ERC2: variants seen among roughly 807,000 people sequenced by gnomAD.
ERC2 encodes ERC protein 2.
ERC2 carries 42 observed loss-of-function variants against 114.8 expected under a neutral mutation model. The observed-to-expected ratio is 0.37, with a 90% CI of 0.29 to 0.47. The LOEUF is 0.47. ERC2 is among the 20% of genes least tolerant of loss of function. The pLI, the probability that ERC2 is intolerant of heterozygous loss-of-function variation, is 0.99. For synonymous variants in ERC2, 454 were observed against 425.5 expected (o/e 1.07, Z -0.82); for missense variants, 939 against 1,150.7 (o/e 0.82, Z 2.66).
intron 17 of ERC2, among the ~76,000 whole-genome samples, chr3:55,528,393 A>C (rs2053463979): frequency 6.6e-6 from 1 of 152,228 alleles, no homozygotes; most frequent in Non-Finnish European, 1.5e-5. Flanking sequence ...GCAAAGGATG[A>C]AAACAAGTGA....
intron 10 of ERC2, 117 bp from the exon 11 acceptor site, chr3:55,992,367 G>C: frequency 1.1e-6 from 1 of 876,230 alleles, no homozygotes; most frequent in Non-Finnish European, 1.7e-6. Flanking sequence ...CAAGATTTAT[G>C]GGTATATTGT....
At chr3:55,825,878 C>T (rs1431490554) in intron 14 of ERC2, among the ~76,000 whole-genome samples, 1 of 151,638 alleles carries the variant, frequency 6.6e-6, no homozygotes, top group Admixed American at 6.6e-5. Flanking sequence ...ATCTCTACAC[C>T]TCTTTTACAT....
At chr3:56,447,416 G>A (rs900152949) in intron 1 of ERC2, among the ~76,000 whole-genome samples, 2 of 152,242 alleles carry the variant, frequency 1.3e-5, no homozygotes, top group African/African-American at 2.4e-5. Flanking sequence ...AAGCAGCGGG[G>A]AGGAGAGGAA....
chr3:56,036,570 T>C (rs753281458), intron 7 of ERC2, among the ~76,000 whole-genome samples: 14 of 152,226 alleles, frequency 9.2e-5, no homozygotes, highest in Non-Finnish European at 8.8e-5. Flanking sequence ...AGCTGAGGTA[T>C]CCAGGTTCTC....
chr3:56,368,641 G>C (rs2059245030), intron 2 of ERC2, among the ~76,000 whole-genome samples: 1 of 152,140 alleles, frequency 6.6e-6, no homozygotes, highest in African/African-American at 2.4e-5. Flanking sequence ...GAAGGCCCAT[G>C]TGTTCAGGGA....
intron 15 of ERC2, among the ~76,000 whole-genome samples, chr3:55,720,866 C>G (rs948387466): frequency 1.3e-5 from 2 of 152,214 alleles, no homozygotes; most frequent in African/African-American, 2.4e-5. Flanking sequence ...CAACTAAGAT[C>G]AGCATCTTGT....
chr3:55,969,295 GA>G (rs2068977867), intron 12 of ERC2, among the ~76,000 whole-genome samples: 1 of 151,926 alleles, frequency 6.6e-6, no homozygotes, highest in Non-Finnish European at 1.5e-5. Context: ...GATACTTTTG[GA>G]AAGAGAGATC....
chr3:56,116,721 T>C (rs143864235), intron 6 of ERC2, among the ~76,000 whole-genome samples: 3 of 152,220 alleles, frequency 2.0e-5, no homozygotes, highest in Admixed American at 2.0e-4. Context: ...TCCATCAGGA[T>C]TCTATTATCC....
chr3:56,369,527 C>T (rs758391140), intron 2 of ERC2, among the ~76,000 whole-genome samples: 1 of 152,232 alleles, frequency 6.6e-6, no homozygotes, highest in Non-Finnish European at 1.5e-5. Flanking sequence ...CAACACATTT[C>T]CTACAGTGAT....
chr3:55,551,580 T>C (rs2055213976), intron 17 of ERC2, among the ~76,000 whole-genome samples: 1 of 152,078 alleles, frequency 6.6e-6, no homozygotes, highest in Non-Finnish European at 1.5e-5. Flanking sequence ...CTCACGTGTT[T>C]AGAGGTAAAT....
In ERC2 at chr3:55,849,441, G is replaced by A. The variant is rs147485219; in HGVS notation, c.2564+38948C>T. Among the ~76,000 whole-genome samples the A allele has an allele frequency of 4.9e-4, 75 of 152,228 alleles. 1 individual carries two copies. In the East Asian group the frequency reaches 0.012, roughly 24 times the overall value. ...TCTAAGCTTCTATCACCCCAAGAAC[G>A]TCAGTGCTTGGGGGTCTGTCTCCAG... On this transcript the variant is annotated intron_variant, in intron 14 of 17. Transcript: ENST00000288221.
chr3:55,873,665 C>T (rs1477647436), intron 14 of ERC2, among the ~76,000 whole-genome samples: 1 of 152,210 alleles, frequency 6.6e-6, no homozygotes, highest in Non-Finnish European at 1.5e-5. Context: ...TCTCTATGCT[C>T]CAGTCACACA....
intron 2 of ERC2, among the ~76,000 whole-genome samples, chr3:56,327,697 C>T (rs1261521992): frequency 6.6e-6 from 1 of 152,104 alleles, no homozygotes; most frequent in African/African-American, 2.4e-5. Context: ...CAATCAATAT[C>T]ACACCATAAG....
At chr3:56,200,318 C>T (rs1306431780) in intron 3 of ERC2, among the ~76,000 whole-genome samples, 1 of 149,686 alleles carries the variant, frequency 6.7e-6, no homozygotes, top group Non-Finnish European at 1.5e-5. Flanking sequence ...ACTTTTTTCC[C>T]ACACAGTTTG....
At chr3:56,388,141 T>C (rs2106805291) in intron 2 of ERC2, among the ~76,000 whole-genome samples, 1 of 152,312 alleles carries the variant, frequency 6.6e-6, no homozygotes, top group East Asian at 1.9e-4. Context: ...GCACTGAGCA[T>C]ACAATGGTGA....
chr3:55,945,046 C>T (rs1428965011), intron 13 of ERC2, among the ~76,000 whole-genome samples: 1 of 152,160 alleles, frequency 6.6e-6, no homozygotes, highest in African/African-American at 2.4e-5. Flanking sequence ...AGGTAGAAAA[C>T]TGCAAAACAA....
intron 3 of ERC2, among the ~76,000 whole-genome samples, chr3:56,260,689 C>T (rs1391856728): frequency 1.3e-5 from 2 of 152,210 alleles, no homozygotes; most frequent in Admixed American, 1.3e-4. Context: ...TTCCCTCTGG[C>T]TTCTCCTCCT....
intron 10 of ERC2, among the ~76,000 whole-genome samples, chr3:55,994,513 C>CG (rs1337134957): frequency 1.3e-5 from 2 of 151,780 alleles, no homozygotes; most frequent in Non-Finnish European, 2.9e-5. Context: ...ATGACAAACA[C>CG]GGGGGGAGAT....
intron 17 of ERC2, among the ~76,000 whole-genome samples, chr3:55,628,268 T>C (rs1372892318): frequency 1.6e-5 from 1 of 64,018 alleles, no homozygotes; most frequent in Non-Finnish European, 2.9e-5. Flanking sequence ...ACCTGCATTG[T>C]CCAATACTGT....
Sources: gnomAD v4.1 joint callset for allele counts (sites outside exome capture counted in the v4.1 genomes callset) on GRCh38, gnomAD v4.1.1 for gene constraint, MANE v1.5 for transcripts, NCBI Gene and HGNC (gene_info 2026-07-23, HGNC 2026-07-21) for gene names.